SUMF1: variants seen among roughly 807,000 people sequenced by gnomAD.
The protein encoded by SUMF1 is formylglycine-generating enzyme.
In SUMF1, 48 loss-of-function variants were observed where a neutral mutation model predicts 47.6. The ratio of observed to expected loss-of-function variants is 1.01; its 90% CI spans 0.80 to 1.28. The LOEUF is 1.28. Ranked by LOEUF, SUMF1 falls within the 50% of genes most tolerant of loss-of-function variation. The pLI is 0.00. For synonymous variants in SUMF1, 230 were observed against 192.1 expected (o/e 1.20, Z -1.63); for missense variants, 571 against 485.4 (o/e 1.18, Z -1.66).
At chr3:4,087,247 C>T (rs1216922750) in intron 8 of SUMF1, among the ~76,000 whole-genome samples, 1 of 152,156 alleles carries the variant, frequency 6.6e-6, no homozygotes, top group East Asian at 1.9e-4. Flanking sequence ...AATCTGATTG[C>T]CTCAGCTTTC....
intron 8 of SUMF1, among the ~76,000 whole-genome samples, chr3:4,174,914 C>T (rs1054417881): frequency 2.0e-5 from 3 of 152,216 alleles, no homozygotes; most frequent in African/African-American, 4.8e-5. Flanking sequence ...CCCACACCCA[C>T]GAAGCCTTGC....
intron 8 of SUMF1, among the ~76,000 whole-genome samples, chr3:4,144,488 G>A (rs1227238547): frequency 6.6e-6 from 1 of 152,054 alleles, no homozygotes; most frequent in Non-Finnish European, 1.5e-5. Flanking sequence ...TCTAGGAGAA[G>A]ACAAAAATGA....
Position 4,437,184 on chromosome 3 carries a change from A to G in SUMF1, c.519+12082T>C, listed in dbSNP as rs59363287. 2.8e-3 allele frequency among the ~76,000 whole-genome samples: 423 copies of G among 152,352 alleles called. 2 individuals are homozygous for G. The highest frequency in any genetic ancestry group is 9.8e-3 in the African/African-American group (409 of 41,584). On this transcript the variant is annotated intron_variant, in intron 3 of 8. Coordinates refer to ENST00000272902, the MANE Select transcript of SUMF1 (RefSeq NM_182760.4). ...GAGTAAAGAAATACTGACTACATAAAAAAGTATTAACCATGTCTAATTAGT... is the reference window on the plus strand; with the variant it reads ...GAGTAAAGAAATACTGACTACATAAGAAAGTATTAACCATGTCTAATTAGT...
chr3:4,164,300 T>C (rs1694649149), intron 8 of SUMF1, among the ~76,000 whole-genome samples: 1 of 152,098 alleles, frequency 6.6e-6, no homozygotes, highest in South Asian at 2.1e-4. Flanking sequence ...CATGCCAGTG[T>C]CCAGGAGGAA....
chr3:4,421,630 C>T (rs1216475042), intron 3 of SUMF1, among the ~76,000 whole-genome samples: 1 of 152,104 alleles, frequency 6.6e-6, no homozygotes, highest in African/African-American at 2.4e-5. Flanking sequence ...CAGGTGTGCG[C>T]CACAATGCCC....
At chr3:4,082,496 T>TTG (rs1692582482) in intron 8 of SUMF1, among the ~76,000 whole-genome samples, 1 of 151,904 alleles carries the variant, frequency 6.6e-6, no homozygotes, top group Admixed American at 6.6e-5. Flanking sequence ...TTAATTAATT[T>TTG]AATTAAAAGT....
At chr3:4,076,544 A>G (rs1228578674) in intron 8 of SUMF1, among the ~76,000 whole-genome samples, 2 of 152,166 alleles carry the variant, frequency 1.3e-5, no homozygotes, top group African/African-American at 2.4e-5. Context: ...AACTACCATC[A>G]GAGTGAACAG....
At chr3:4,172,916 G>A (rs111312454) in intron 8 of SUMF1, among the ~76,000 whole-genome samples, 7,976 of 152,234 alleles carry the variant, frequency 0.052, 310 homozygotes, top group Middle Eastern at 0.079. Flanking sequence ...TTTTAGTCAT[G>A]AAGTCTTTGC....
intron 8 of SUMF1, among the ~76,000 whole-genome samples, chr3:4,112,929 T>C (rs1693342528): frequency 6.6e-6 from 1 of 152,164 alleles, no homozygotes; most frequent in Non-Finnish European, 1.5e-5. Flanking sequence ...AAATACTGAA[T>C]GCCAGTCTGC....
intron 1 of SUMF1, among the ~76,000 whole-genome samples, chr3:4,456,585 G>C (rs867692261): frequency 6.9e-6 from 1 of 144,934 alleles, no homozygotes; most frequent in African/African-American, 2.5e-5. Flanking sequence ...CTGAGTAGCT[G>C]GGAGTACAGG....
At chr3:4,121,780 G>T (rs1225555065) in intron 8 of SUMF1, among the ~76,000 whole-genome samples, 2 of 151,998 alleles carry the variant, frequency 1.3e-5, no homozygotes, top group East Asian at 3.9e-4. Flanking sequence ...GTAAACTACT[G>T]TCATGAGGGT....
intron 8 of SUMF1, among the ~76,000 whole-genome samples, chr3:4,253,637 A>C (rs1376344759): frequency 1.3e-5 from 2 of 151,790 alleles, no homozygotes; most frequent in African/African-American, 4.9e-5. Context: ...GCTGATTGCT[A>C]GCACAGCAGT....
chr3:4,044,184 C>A (rs777555008), intron 9 of SUMF1, among the ~76,000 whole-genome samples: 11 of 152,242 alleles, frequency 7.2e-5, no homozygotes, highest in Middle Eastern at 3.4e-3. Context: ...TGTTAGAATG[C>A]GTAACCAAAA....
Position 4,057,925 on chromosome 3 carries a change from C to A in SUMF1, c.1191+10644G>T, listed in dbSNP as rs541195896. Among the ~76,000 whole-genome samples, 9 of 152,162 alleles carry A rather than the reference C, an allele frequency of 5.9e-5. No homozygotes were observed. The East Asian group carries it at 1.5e-3, about 26-fold the overall frequency. On this transcript the variant is annotated intron_variant and NMD_transcript_variant, in intron 9 of 12. Transcript: ENST00000448413. ...CTTTTTTCTCTGTCTCTAATATATG[C>A]CTTGTGAAACAAGAGATTCAAGGTG... is the stretch of plus-strand genomic sequence containing the variant.
chr3:4,400,447 G>A (rs561715167), intron 7 of SUMF1, among the ~76,000 whole-genome samples: 2 of 152,312 alleles, frequency 1.3e-5, no homozygotes, highest in South Asian at 4.1e-4. Context: ...TGGAGGCAAG[G>A]ACTGCGTGAT....
chr3:4,410,282 G>C (rs927114123), intron 7 of SUMF1, among the ~76,000 whole-genome samples: 1 of 152,150 alleles, frequency 6.6e-6, no homozygotes, highest in South Asian at 2.1e-4. Flanking sequence ...TTTTTCACAT[G>C]CCAGAATAAG....
chr3:4,257,704 T>A (rs916974636), intron 8 of SUMF1, among the ~76,000 whole-genome samples: 6 of 151,304 alleles, frequency 4.0e-5, no homozygotes, highest in Admixed American at 2.6e-4. Flanking sequence ...ATTTACAGAT[T>A]CAATGCCATC....
In SUMF1 at chr3:4,303,494, T is replaced by G; in HGVS notation, c.1014+72836A>C. 6 of 1,480,862 alleles carry G rather than the reference T, an allele frequency of 4.1e-6. No individual in the cohort carries two copies. Among genetic ancestry groups the G allele is most frequent in the African/African-American group, 2.9e-5 (2 of 67,962 alleles). The allele number at this position is 1,480,862 out of a possible 1,614,324, so 91.7% of individuals were successfully genotyped here. On this transcript the variant is annotated intron_variant and NMD_transcript_variant, in intron 8 of 12. Transcript: ENST00000448413. ...CCAGGAAAACTTGCCGGTGGGCGCG[T>G]GGCCCCCGGGGGCCGCGCCGGCGCC...
At chr3:4,186,719 A>G (rs1047038532) in intron 8 of SUMF1, among the ~76,000 whole-genome samples, 6 of 152,166 alleles carry the variant, frequency 3.9e-5, no homozygotes, top group African/African-American at 1.4e-4. Flanking sequence ...ACCTGAATGT[A>G]AAATGCAAAT....
Sources: allele counts gnomAD v4.1 joint callset (sites outside exome capture counted in the v4.1 genomes callset), GRCh38; gene constraint gnomAD v4.1.1; transcripts MANE v1.5; gene names NCBI Gene and HGNC (gene_info 2026-07-23, HGNC 2026-07-21).